The following TGFBRAP1 variants were observed in gnomAD, a reference collection of about 807,000 sequenced individuals.
The protein encoded by TGFBRAP1 is transforming growth factor-beta receptor-associated protein 1.
In TGFBRAP1, 20 loss-of-function variants were observed where a neutral mutation model predicts 83.2. The observed-to-expected ratio is 0.24, with a 90% confidence interval of 0.17 to 0.35. The LOEUF (loss-of-function observed/expected upper bound fraction) is 0.35, where lower values mean the gene tolerates loss of function less well. Ranked by LOEUF, TGFBRAP1 falls within the 10% of genes least tolerant of loss-of-function variation. TGFBRAP1 has a pLI of 1.00. For synonymous variants in TGFBRAP1, 415 were observed against 459.8 expected (o/e 0.90, Z 1.25); for missense variants, 950 against 1,099.4 (o/e 0.86, Z 1.92).
intron 1 of TGFBRAP1, among the ~76,000 whole-genome samples, chr2:105,318,311 C>T (rs1407369927): frequency 2.0e-5 from 3 of 152,070 alleles, no homozygotes; most frequent in African/African-American, 4.8e-5. Context: ...AACACAAATC[C>T]GGGGAGGATG....
At chr2:105,292,997 G>C (rs573897436) in intron 4 of TGFBRAP1, among the ~76,000 whole-genome samples, 68 of 150,966 alleles carry the variant, frequency 4.5e-4, no homozygotes, top group African/African-American at 1.6e-3. Flanking sequence ...TTTCCCTAAG[G>C]ATTAAAAAAA....
chr2:105,302,587 G>A (rs1678337322), intron 2 of TGFBRAP1, among the ~76,000 whole-genome samples: 1 of 151,932 alleles, frequency 6.6e-6, no homozygotes, highest in South Asian at 2.1e-4. Flanking sequence ...TAGCCAAGGA[G>A]GAGATACAAA....
intron 1 of TGFBRAP1, among the ~76,000 whole-genome samples, chr2:105,309,049 T>C (rs964114679): frequency 6.6e-6 from 1 of 152,222 alleles, no homozygotes; most frequent in Non-Finnish European, 1.5e-5. Context: ...AGCTATTTAG[T>C]GGATGTGTGG....
chr2:105,296,553 T>A, intron 3 of TGFBRAP1, 43 bp from the exon 4 acceptor site: 1 of 1,580,100 alleles, frequency 6.3e-7, no homozygotes, highest in African/African-American at 1.4e-5. Context: ...AAAAACACAC[T>A]GCCTGCAAAA....
downstream of TGFBRAP1, among the ~76,000 whole-genome samples, chr2:105,260,228 G>T (rs984355101): frequency 2.0e-5 from 3 of 152,130 alleles, no homozygotes; most frequent in African/African-American, 7.2e-5. Context: ...GGCCAACGTG[G>T]TGAAACCTTG....
chr2:105,311,301 T>G (rs538229933), intron 1 of TGFBRAP1, among the ~76,000 whole-genome samples: 1 of 152,296 alleles, frequency 6.6e-6, no homozygotes, highest in Non-Finnish European at 1.5e-5. Flanking sequence ...GGCCTTTAAA[T>G]TAAGGACTTG....
intron 4 of TGFBRAP1, among the ~76,000 whole-genome samples, chr2:105,294,469 C>G (rs887650974): frequency 6.6e-6 from 1 of 152,102 alleles, no homozygotes; most frequent in African/African-American, 2.4e-5. Context: ...AAGATCATTT[C>G]CATATAGTTG....
In TGFBRAP1 at chr2:105,296,357, T is replaced by C. The variant is rs746269191; in HGVS notation, c.1037A>G (p.Gln346Arg). The stretch of plus-strand genomic sequence containing the variant: ...TTCTGTGACCAGTTAATTACAAACC[T>C]GAAATTTTTCCTTTGGAATGTTCCT... Reference protein sequence around the residue: ...ARRNIPKEKFQVMYRRILQQA... With the variant: ...ARRNIPKEKFRVMYRRILQQA... Residue 346 changes from glutamine (Q) to arginine (R), a missense_variant and splice_region_variant, in exon 4 of 12, where the codon CAG (glutamine) becomes CGG (arginine). By Grantham distance (43) the Gln-to-Arg change is conservative (BLOSUM62 1). Coordinates refer to ENST00000393359, the MANE Select transcript of TGFBRAP1 (RefSeq NM_004257.6). 1.2e-6 allele frequency: 2 copies of C among 1,613,422 alleles called. No individual in the cohort carries two copies. The highest frequency in any genetic ancestry group is 1.7e-6 in the Non-Finnish European group (2 of 1,179,918).
At chr2:105,273,171 T>A (rs1052494152) in intron 9 of TGFBRAP1, among the ~76,000 whole-genome samples, 157 bp from the exon 10 acceptor site, 3 of 152,108 alleles carry the variant, frequency 2.0e-5, no homozygotes, top group Non-Finnish European at 4.4e-5. Flanking sequence ...GAAACCATGA[T>A]ACTGAGATGA....
the TGFBRAP1 span, chr2:105,249,935 A>G: frequency 3.3e-5 from 5 of 152,344 alleles, no homozygotes; most frequent in East Asian, 9.7e-4. Context: ...TTTGCATGCA[A>G]AAGTATGGTG....
Position 105,275,550 on chromosome 2 carries a change from A to G in TGFBRAP1, c.1665+10T>C. On this transcript the variant is annotated intron_variant, in intron 8 of 11. Coordinates refer to ENST00000393359, the MANE Select transcript of TGFBRAP1 (RefSeq NM_004257.6). ...CAACCAAAGAGAATGCATTTTTACG[A>G]AGCACAAACCTCTTCACTTTTCTGC... The G allele has an allele frequency of 6.2e-7, 1 of 1,612,616 alleles. No homozygotes were observed. The highest frequency in any genetic ancestry group is 8.5e-7 in the Non-Finnish European group (1 of 1,179,600).
chr2:105,303,754 C>G (rs186894974), intron 2 of TGFBRAP1, among the ~76,000 whole-genome samples: 19 of 152,244 alleles, frequency 1.2e-4, no homozygotes, highest in African/African-American at 4.3e-4. Flanking sequence ...CTTGCCTCCC[C>G]ACAAAACAAG....
chr2:105,319,379 T>G (rs922279037), intron 1 of TGFBRAP1, among the ~76,000 whole-genome samples: 2 of 147,722 alleles, frequency 1.4e-5, no homozygotes, highest in Non-Finnish European at 3.0e-5. Context: ...ATATTTTAAG[T>G]AGATAATCTA....
chr2:105,270,591 C>A (rs922123491), intron 10 of TGFBRAP1, among the ~76,000 whole-genome samples: 2 of 152,240 alleles, frequency 1.3e-5, no homozygotes, highest in Non-Finnish European at 2.9e-5. Context: ...AGGGTCAAGA[C>A]TAATAATCAA....
chr2:105,251,799 AG>A, the TGFBRAP1 span, among the ~76,000 whole-genome samples: 1 of 150,496 alleles, frequency 6.6e-6, no homozygotes, highest in Non-Finnish European at 1.5e-5. Context: ...TTCGGTACTA[AG>A]AAAAATTCTT....
intron 1 of TGFBRAP1, chr2:105,324,139 A>C (rs949521621): frequency 9.9e-5 from 15 of 152,208 alleles, no homozygotes; most frequent in Admixed American, 4.6e-4. Flanking sequence ...AAACGGGTGA[A>C]ATTCAAATAC....
At chr2:105,255,692 A>G in the TGFBRAP1 span, among the ~76,000 whole-genome samples, 2 of 152,090 alleles carry the variant, frequency 1.3e-5, no homozygotes, top group Admixed American at 6.6e-5. Context: ...GCTCTCACCC[A>G]TGGGGTCGCC....
intron 1 of TGFBRAP1, among the ~76,000 whole-genome samples, chr2:105,328,567 C>G (rs998612813): frequency 9.2e-5 from 14 of 152,158 alleles, no homozygotes. Context: ...CCTCTACATT[C>G]GTTCATCCTG....
At chr2:105,287,408 G>C (rs1677756894) in intron 4 of TGFBRAP1, among the ~76,000 whole-genome samples, 1 of 152,198 alleles carries the variant, frequency 6.6e-6, no homozygotes, top group African/African-American at 2.4e-5. Context: ...TCTCCAGGTA[G>C]ATTTTTTTCC....
Sources: allele counts gnomAD v4.1 joint callset (sites outside exome capture counted in the v4.1 genomes callset), GRCh38; gene constraint gnomAD v4.1.1; transcripts MANE v1.5; gene names NCBI Gene and HGNC (gene_info 2026-07-23, HGNC 2026-07-21).